The following SPEG variants were observed in gnomAD, a reference collection of about 807,000 sequenced individuals.
SPEG encodes the protein striated muscle enriched protein kinase, also known as striated muscle preferentially expressed protein kinase.
Under a neutral mutation model 300.4 loss-of-function variants are expected in SPEG, and 114 were observed. That is an observed-to-expected ratio of 0.38 (90% CI 0.33 to 0.44). SPEG has a LOEUF of 0.44. Among genes scored for constraint, SPEG ranks in the 20% least tolerant of loss-of-function variants. The probability of loss-of-function intolerance (pLI) is 1.00; values close to 1 mark genes in which losing one functional copy is unlikely to be tolerated. For synonymous variants in SPEG, 1,964 were observed against 2,018.9 expected, an observed-to-expected ratio of 0.97 and a Z score of 0.73; for missense variants, 4,201 against 4,586.2, an observed-to-expected ratio of 0.92 and a Z score of 2.43.
chr2:219,466,027 T>C (rs1346682298), intron 9 of SPEG: 3 of 1,598,460 alleles, frequency 1.9e-6, no homozygotes, highest in Non-Finnish European at 2.6e-6. Context: ...AACCTGCCGC[T>C]TGCTGACTGA....
In SPEG at chr2:219,477,299, G is replaced by A; in HGVS notation, c.4583G>A (p.Ser1528Asn). 1 of 1,612,766 alleles carries A rather than the reference G, an allele frequency of 6.2e-7. No individual in the cohort carries two copies. The highest frequency in any genetic ancestry group is 8.5e-7 in the Non-Finnish European group (1 of 1,179,774). ...CAGGACGAGGTGCTGCTGACCGAGA[G>A]CAGCCATGTGAGCTTCGTGTACGAG... ...WYKDEVLLTE[S>N]SHVSFVYEEN... is the part of the protein sequence containing the mutation. Residue 1528 changes from serine (S) to asparagine (N), a missense_variant, in exon 20 of 41, where the codon AGC (serine) becomes AAC (asparagine). Physicochemically the swap from Ser to Asn is conservative, Grantham distance 46 (BLOSUM62 1). Transcript: ENST00000312358. The surrounding 1 kb of genome is among the most constrained non-coding windows in gnomAD (Gnocchi z 6.4).
rs1163107444 is a variant in SPEG at position 219,473,393 on chromosome 2, T to C, written c.4148-111T>C. 6 of 1,092,358 alleles carry C rather than the reference T, an allele frequency of 5.5e-6. No individual in the cohort carries two copies. The Admixed American group carries it at 8.1e-5, about 15-fold the overall frequency. 67.7% of individuals were successfully genotyped at this position (1,092,358 alleles called of 1,614,324 possible). On this transcript the variant is annotated intron_variant, in intron 16 of 40. Coordinates refer to ENST00000312358, the MANE Select transcript of SPEG (RefSeq NM_005876.5). The surrounding 1 kb of genome is among the most constrained non-coding windows in gnomAD (Gnocchi z 4.6). ...GCTAAACCTCTCTGAGCTTCAGCTT[T>C]CCCATCTGTAAAAACGGAACTCAAG...
rs1427180260 is a variant in SPEG, at chr2:219,477,605, C to G, written c.4730-84C>G. On this transcript the variant is annotated intron_variant, in intron 20 of 40. Coordinates refer to ENST00000312358, the MANE Select transcript of SPEG (RefSeq NM_005876.5). The surrounding 1 kb of genome is among the most constrained non-coding windows in gnomAD (Gnocchi z 6.4). ...CCCAACATTCTTGCACCTCTTCTCT[C>G]TTCTTCTTCTGTCCACCTGTCCCAG... 4 of 1,394,672 alleles carry G rather than the reference C, an allele frequency of 2.9e-6. No individual in the cohort carries two copies. The highest frequency in any genetic ancestry group is 3.9e-6 in the Non-Finnish European group (4 of 1,020,348). 86.4% of individuals were successfully genotyped at this position (1,394,672 alleles called of 1,614,324 possible).
Position 219,481,815 on chromosome 2 carries a change from A to G in SPEG, c.5565+135A>G. The G allele has an allele frequency of 1.3e-6, 1 of 798,546 alleles. No individual in the cohort carries two copies. The highest frequency in any genetic ancestry group is 1.5e-5 in the South Asian group (1 of 67,612). The allele number at this position is 798,546 out of a possible 1,614,324, so 49.5% of individuals were successfully genotyped here. A position where few individuals can be genotyped will look rare whatever the true frequency, so the allele number is the denominator to read the frequency against. On this transcript the variant is annotated intron_variant, in intron 28 of 40. Coordinates refer to ENST00000312358, the MANE Select transcript of SPEG (RefSeq NM_005876.5). The surrounding 1 kb of genome is among the most constrained non-coding windows in gnomAD (Gnocchi z 5.4). ...TATGTACATATGACGTATTAGCCTC[A>G]CAATAGCTTTGCAAAGGAAGGCATT...
At chr2:219,453,351 C>CCGTCCT (rs1198125134) in intron 6 of SPEG, among the ~76,000 whole-genome samples, 6 of 152,250 alleles carry the variant, frequency 3.9e-5, no homozygotes, top group Non-Finnish European at 7.3e-5. Flanking sequence ...GATAATGACA[C>CCGTCCT]CGTCCTCACG....
chr2:219,481,678 A>C lies in SPEG; in HGVS notation c.5563A>C (p.Lys1855Gln), dbSNP rs1218520734. Residue 1855 changes from lysine to glutamine, a missense_variant and splice_region_variant, in exon 28 of 41, where the codon AAA becomes CAA. Lys to Gln is a moderately conservative substitution (Grantham distance 53). Around this residue, in one of 4 missense-constraint regions of SPEG, gnomAD observed 1,047 missense variants for 1,356.8 expected, o/e 0.77. Transcript: ENST00000312358. This position sits in a 1 kb window ranked among gnomAD's most constrained non-coding sequence, Gnocchi z 5.4. ...AEETLEHPWF[K>Q]TQAKGAEVST... is the part of the protein sequence containing the mutation. ...AGAGACCCTAGAACATCCTTGGTTCAAAGTGAGTCTAGTCTGCAAAGTGGT... is the reference window on the plus strand; with the variant it reads ...AGAGACCCTAGAACATCCTTGGTTCCAAGTGAGTCTAGTCTGCAAAGTGGT... 1 of 1,614,154 alleles carries C rather than the reference A, an allele frequency of 6.2e-7. No homozygotes were observed. Among genetic ancestry groups the C allele is most frequent in the Admixed American group, 1.7e-5 (1 of 60,020 alleles).
chr2:219,493,327 G>C lies in SPEG; in HGVS notation c.*541G>C. ...GAAGAGAGGACTCAGGTGGAGGTGGGGTGGGTCAGCTGTCAGCATCCCTCA... is the reference window on the plus strand; with the variant it reads ...GAAGAGAGGACTCAGGTGGAGGTGGCGTGGGTCAGCTGTCAGCATCCCTCA... On this transcript the variant is annotated 3_prime_UTR_variant, in exon 41 of 41. Coordinates refer to ENST00000312358, the MANE Select transcript of SPEG (RefSeq NM_005876.5). 1 of 356,844 alleles carries C rather than the reference G, an allele frequency of 2.8e-6. No homozygotes were observed. Among genetic ancestry groups the C allele is most frequent in the Non-Finnish European group, 5.5e-6 (1 of 180,792 alleles). The allele number at this position is 356,844 out of a possible 1,614,324, so 22.1% of individuals were successfully genotyped here.
intron 3 of SPEG, among the ~76,000 whole-genome samples, chr2:219,447,762 C>T (rs1689420612): frequency 6.6e-6 from 1 of 151,934 alleles, no homozygotes; most frequent in South Asian, 2.1e-4. Context: ...AGCCATTAGC[C>T]CAATCTTGTG....
Position 219,489,456 on chromosome 2 carries a change from C to T in SPEG, c.8438C>T (p.Thr2813Ile), listed in dbSNP as rs766888812. Reference protein sequence around the residue: ...LAPPLAPAAPTPPSVTVSPSS... With the variant: ...LAPPLAPAAPIPPSVTVSPSS... Reference sequence around the variant, plus strand: ...CCACCCCTAGCTCCTGCTGCCCCCACACCCCCGTCAGTCACTGTCAGCCCC... The same window carrying T: ...CCACCCCTAGCTCCTGCTGCCCCCATACCCCCGTCAGTCACTGTCAGCCCC... Residue 2813 changes from threonine to isoleucine, a missense_variant, in exon 36 of 41, where the codon ACA (threonine) becomes ATA (isoleucine). By Grantham distance (89) the Thr-to-Ile change is moderately conservative (BLOSUM62 -1). Coordinates refer to ENST00000312358, the MANE Select transcript of SPEG (RefSeq NM_005876.5). The T allele has an allele frequency of 1.9e-6, 3 of 1,611,726 alleles. No homozygotes were observed. The highest frequency in any genetic ancestry group is 2.2e-5 in the East Asian group (1 of 44,804).
At position 219,491,806 on chromosome 2, in the gene SPEG, T is replaced by C; in HGVS notation, c.9398T>C (p.Val3133Ala). The stretch of plus-strand genomic sequence containing the variant: ...TGTCTCCTGTCAGCTCCGGAGATGG[T>C]GAAGGGAGAACCCATCGGCTCTGCC... ...GTLEFMAPEMVKGEPIGSATD... is the reference protein window; with the variant it reads ...GTLEFMAPEMAKGEPIGSATD... The change falls in exon 39 of 41, where the codon GTG becomes GCG. Residue 3133 changes from valine (V) to alanine (A), a missense_variant. By Grantham distance (64) the Val-to-Ala change is moderately conservative. Coordinates refer to ENST00000312358, the MANE Select transcript of SPEG (RefSeq NM_005876.5). The C allele has an allele frequency of 6.2e-7, 1 of 1,613,106 alleles. No individual in the cohort carries two copies. The highest frequency in any genetic ancestry group is 8.5e-7 in the Non-Finnish European group (1 of 1,179,804).
chr2:219,478,124 G>A lies in SPEG; in HGVS notation c.5027+19G>A. On this transcript the variant is annotated intron_variant, in intron 22 of 40. Coordinates refer to ENST00000312358, the MANE Select transcript of SPEG (RefSeq NM_005876.5). ...CCGAGCTGTATCCTGGGACAGGCTG[G>A]GGGCTAGGGGGATCCATGCCTAAAT... 1 of 1,602,698 alleles carries A rather than the reference G, an allele frequency of 6.2e-7. No homozygotes were observed. The highest frequency in any genetic ancestry group is 8.5e-7 in the Non-Finnish European group (1 of 1,170,660).
At chr2:219,468,190 G>A (rs1421078830) in intron 10 of SPEG, among the ~76,000 whole-genome samples, 2 of 152,052 alleles carry the variant, frequency 1.3e-5, no homozygotes, top group Admixed American at 1.3e-4. Flanking sequence ...GCATGGGCAT[G>A]ACCCCAGCAC....
At chr2:219,457,681 C>T (rs1417337194) in intron 6 of SPEG, among the ~76,000 whole-genome samples, 1 of 152,218 alleles carries the variant, frequency 6.6e-6, no homozygotes, top group Non-Finnish European at 1.5e-5. Flanking sequence ...ACCATCTGCA[C>T]CCATAGGGCA....
intron 6 of SPEG, among the ~76,000 whole-genome samples, chr2:219,457,688 G>A (rs1159741619): frequency 6.6e-6 from 1 of 152,158 alleles, no homozygotes; most frequent in Non-Finnish European, 1.5e-5. Context: ...GCACCCATAG[G>A]GCAAAAGGAG....
In SPEG at chr2:219,483,315, C is replaced by T; in HGVS notation, c.5852C>T (p.Thr1951Ile). Reference sequence around the variant, plus strand: ...TTCTCTGGCTCCCGGGTGTCCCTCACAGACATTCCCACTGAGGATGAGGCC... The same window carrying T: ...TTCTCTGGCTCCCGGGTGTCCCTCATAGACATTCCCACTGAGGATGAGGCC... ...PEFSGSRVSL[T>I]DIPTEDEALG... is the part of the protein sequence containing the mutation. The change falls in exon 30 of 41, where the codon ACA (threonine) becomes ATA (isoleucine). Residue 1951 changes from threonine (T) to isoleucine (I), a missense_variant. Physicochemically the swap from Thr to Ile is moderately conservative, Grantham distance 89. Coordinates refer to ENST00000312358, the MANE Select transcript of SPEG (RefSeq NM_005876.5). 6.2e-7 allele frequency: 1 copy of T among 1,606,432 alleles called. No homozygotes were observed. Among genetic ancestry groups the T allele is most frequent in the Non-Finnish European group, 8.5e-7 (1 of 1,176,546 alleles).
chr2:219,435,384 C>G lies in SPEG; in HGVS notation c.388+19C>G. On this transcript the variant is annotated intron_variant, in intron 1 of 40. Transcript: ENST00000312358. ...GTCGGAGGTAAAGGGCAGGTGGGGGCCGCGCCCGGCAGGGGCGGGGTGCTC... is the reference window on the plus strand; with the variant it reads ...GTCGGAGGTAAAGGGCAGGTGGGGGGCGCGCCCGGCAGGGGCGGGGTGCTC... 6.6e-7 allele frequency: 1 copy of G among 1,523,120 alleles called. No homozygotes were observed. Among genetic ancestry groups the G allele is most frequent in the South Asian group, 1.2e-5 (1 of 83,338 alleles). 94.4% of individuals were successfully genotyped at this position (1,523,120 alleles called of 1,614,324 possible).
At position 219,465,935 on chromosome 2, in the gene SPEG, GTGCA is replaced by G. The variant is rs879511024; in HGVS notation, c.2882-1238_2882-1235del. 342,109 of 764,482 alleles carry G rather than the reference GTGCA, an allele frequency of 0.45. 79,681 individuals carry two copies. The highest frequency in any genetic ancestry group is 0.49 in the South Asian group (30,318 of 62,278). 47.4% of individuals were successfully genotyped at this position (764,482 alleles called of 1,614,324 possible). A position where few individuals can be genotyped will look rare whatever the true frequency, so the allele number is the denominator to read the frequency against. ...TGCGTGTGTGTGTGCGCGCGTGTGC[GTGCA>G]CGTGTGCGTGCATGTGTGCGTGTGC... is the stretch of plus-strand genomic sequence containing the variant. On this transcript the variant is annotated intron_variant, in intron 9 of 40. Transcript: ENST00000312358.
At position 219,443,976 on chromosome 2, in the gene SPEG, G is replaced by A. The variant is rs532845384; in HGVS notation, c.389-677G>A. The A allele has an allele frequency of 6.7e-6, 9 of 1,347,980 alleles. No individual in the cohort carries two copies. The highest frequency in any genetic ancestry group is 4.4e-5 in the African/African-American group (3 of 67,512). The allele number at this position is 1,347,980 out of a possible 1,614,324, so 83.5% of individuals were successfully genotyped here. A position where few individuals can be genotyped will look rare whatever the true frequency, so the allele number is the denominator to read the frequency against. On this transcript the variant is annotated intron_variant, in intron 1 of 40. Transcript: ENST00000312358. This position sits in a 1 kb window ranked among gnomAD's most constrained non-coding sequence, Gnocchi z 4.6. ...GCCCTCCATGCCCTGCCCCACAAAC[G>A]CTCTGATAACAGTCTGTCCCTGTCT...
intron 6 of SPEG, among the ~76,000 whole-genome samples, chr2:219,456,366 A>G (rs1370068702): frequency 1.3e-5 from 2 of 152,202 alleles, no homozygotes; most frequent in African/African-American, 2.4e-5. Flanking sequence ...CATGGCCCCC[A>G]TCGTCAGTCC....
Sources: gnomAD v4.1 joint callset for allele counts (sites outside exome capture counted in the v4.1 genomes callset) on GRCh38, gnomAD v4.1.1 for gene constraint, gnomAD v4.1.1 regional missense constraint, Gnocchi (gnomAD v3.1) non-coding constraint, MANE v1.5 for transcripts, NCBI Gene and HGNC (gene_info 2026-07-23, HGNC 2026-07-21) for gene names.